Variants in SMC6 observed in about 807,000 individuals in gnomAD.
The protein encoded by SMC6 is structural maintenance of chromosomes protein 6.
In SMC6, 79 loss-of-function variants were observed where a neutral mutation model predicts 142.2. The ratio of observed to expected loss-of-function variants is 0.56; its 90% CI spans 0.46 to 0.67. SMC6 has a LOEUF of 0.67. Among genes scored for constraint, SMC6 ranks in the 30% least tolerant of loss-of-function variants. The probability of loss-of-function intolerance (pLI) is 0.00; values close to 1 mark genes in which losing one functional copy is unlikely to be tolerated. For missense variants in SMC6, 1,072 were observed against 1,284.0 expected (o/e 0.83, Z 2.52); for synonymous variants, 411 against 412.4 (o/e 1.00, Z 0.04).
intron 16 of SMC6, among the ~76,000 whole-genome samples, chr2:17,714,334 T>G (rs1233756729): frequency 6.6e-6 from 1 of 152,134 alleles, no homozygotes; most frequent in East Asian, 1.9e-4. Flanking sequence ...GCTCAAGCAA[T>G]CTGCCCGCCT....
intron 5 of SMC6, among the ~76,000 whole-genome samples, chr2:17,732,448 C>T (rs111662370): frequency 6.6e-6 from 1 of 152,098 alleles, no homozygotes; most frequent in African/African-American, 2.4e-5. Context: ...CCTGTAATCC[C>T]AGCACTCTGC....
At chr2:17,740,726 G>A (rs774954543) in intron 4 of SMC6, 2 of 446,140 alleles carry the variant, frequency 4.5e-6, no homozygotes, top group South Asian at 1.6e-5. Context: ...TTGAAGGCAC[G>A]CTAATCCCAG....
At chr2:17,727,526 T>TATATAC (rs1669690709) in intron 7 of SMC6, among the ~76,000 whole-genome samples, 1 of 102,866 alleles carries the variant, frequency 9.7e-6, no homozygotes. Flanking sequence ...TATATATATA[T>TATATAC]ACACACACAC....
intron 26 of SMC6, among the ~76,000 whole-genome samples, chr2:17,667,001 T>C (rs1397223341): frequency 6.6e-6 from 1 of 152,144 alleles, no homozygotes; most frequent in Non-Finnish European, 1.5e-5. Context: ...AAAGAGAAAC[T>C]CTTCGGGGAC....
At chr2:17,723,376 C>T (rs1384003948) in intron 9 of SMC6, among the ~76,000 whole-genome samples, 1 of 152,176 alleles carries the variant, frequency 6.6e-6, no homozygotes, top group East Asian at 1.9e-4. Flanking sequence ...TCTTCTACTG[C>T]CCCCTAAATT....
chr2:17,738,139 C>A, intron 5 of SMC6, 82 bp downstream of exon 5: 1 of 1,001,500 alleles, frequency 1.0e-6, no homozygotes, highest in Non-Finnish European at 1.5e-6. Flanking sequence ...CATTTCCAGT[C>A]ATGTCTATGT....
intron 23 of SMC6, among the ~76,000 whole-genome samples, chr2:17,694,291 C>T (rs1190759347): frequency 6.6e-6 from 1 of 152,102 alleles, no homozygotes; most frequent in Non-Finnish European, 1.5e-5. Flanking sequence ...TTTGATAGCA[C>T]AGTAGGGTGA....
intron 25 of SMC6, among the ~76,000 whole-genome samples, chr2:17,671,144 G>A (rs1310507920): frequency 6.6e-6 from 1 of 151,754 alleles, no homozygotes; most frequent in East Asian, 1.9e-4. Context: ...AAAGTGCTGG[G>A]ATTACAGGTG....
At chr2:17,668,405 C>T (rs943832784) in intron 26 of SMC6, among the ~76,000 whole-genome samples, 7 of 152,056 alleles carry the variant, frequency 4.6e-5, no homozygotes, top group East Asian at 1.9e-4. Flanking sequence ...ACTTACTAAA[C>T]GGTCATTATA....
intron 16 of SMC6, among the ~76,000 whole-genome samples, chr2:17,712,538 C>T (rs1470984807): frequency 2.6e-5 from 4 of 152,140 alleles, no homozygotes; most frequent in Admixed American, 2.6e-4. Context: ...ACAAGACCAT[C>T]TTTACAGGAA....
chr2:17,673,298 A>G (rs962862411), intron 25 of SMC6, among the ~76,000 whole-genome samples: 8 of 152,134 alleles, frequency 5.3e-5, no homozygotes, highest in Non-Finnish European at 1.0e-4. Flanking sequence ...GCATGTATGC[A>G]TCACAAATAT....
At chr2:17,741,148 C>A (rs1249560511) in intron 4 of SMC6, among the ~76,000 whole-genome samples, 3 of 152,172 alleles carry the variant, frequency 2.0e-5, no homozygotes, top group Non-Finnish European at 4.4e-5. Flanking sequence ...CTTCTTCTTG[C>A]CAATAAGACC....
At chr2:17,676,819 T>C (rs1322511412) in intron 25 of SMC6, among the ~76,000 whole-genome samples, 2 of 152,192 alleles carry the variant, frequency 1.3e-5, no homozygotes, top group Non-Finnish European at 2.9e-5. Flanking sequence ...ATATAAATAG[T>C]ATTTTTTAAA....
chr2:17,737,602 C>T (rs2125062178), intron 5 of SMC6, among the ~76,000 whole-genome samples: 1 of 152,216 alleles, frequency 6.6e-6, no homozygotes, highest in Non-Finnish European at 1.5e-5. Flanking sequence ...TGATGGCAAC[C>T]TATGACAAAA....
At chr2:17,693,299 C>A (rs1667819100) in intron 23 of SMC6, among the ~76,000 whole-genome samples, 1 of 152,146 alleles carries the variant, frequency 6.6e-6, no homozygotes, top group South Asian at 2.1e-4. Context: ...CTGGAACCAA[C>A]CCAAATGTCC....
intron 16 of SMC6, among the ~76,000 whole-genome samples, chr2:17,711,481 G>A (rs563505700): frequency 2.0e-4 from 30 of 151,988 alleles, no homozygotes; most frequent in African/African-American, 6.8e-4. Flanking sequence ...ACTGGTAAGC[G>A]GAGTTACAGG....
intron 23 of SMC6, among the ~76,000 whole-genome samples, chr2:17,693,851 A>G (rs1667853070): frequency 6.6e-6 from 1 of 151,684 alleles, no homozygotes; most frequent in South Asian, 2.1e-4. Context: ...CAAAAATTAG[A>G]TGGGCGTCGT....
intron 1 of SMC6, among the ~76,000 whole-genome samples, 180 bp from the exon 2 acceptor site, chr2:17,753,244 A>T (rs529388429): frequency 8.3e-6 from 1 of 120,310 alleles, no homozygotes; most frequent in Admixed American, 8.1e-5. Flanking sequence ...CATCAGACTC[A>T]TGCTAAGAGC....
At chr2:17,729,659 G>T (rs540912169) in intron 7 of SMC6, among the ~76,000 whole-genome samples, 67 of 152,184 alleles carry the variant, frequency 4.4e-4, no homozygotes, top group Admixed American at 2.5e-3. Context: ...CTAACTTTTG[G>T]TTTTCCTGAT....
Sources: allele counts gnomAD v4.1 joint callset (sites outside exome capture counted in the v4.1 genomes callset), GRCh38; gene constraint gnomAD v4.1.1; transcripts MANE v1.5; gene names NCBI Gene and HGNC (gene_info 2026-07-23, HGNC 2026-07-21).